The following TCF7L2 variants were observed in gnomAD, a reference collection of about 807,000 sequenced individuals.
TCF7L2 encodes the protein transcription factor 7-like 2.
Under a neutral mutation model 77.9 loss-of-function variants are expected in TCF7L2, and 23 were observed. The ratio of observed to expected loss-of-function variants is 0.30; its 90% confidence interval spans 0.21 to 0.42. The LOEUF (loss-of-function observed/expected upper bound fraction) is 0.42. Among genes scored for constraint, TCF7L2 ranks in the 10% least tolerant of loss-of-function variants. The pLI is 1.00. For synonymous variants in TCF7L2, 413 were observed against 340.2 expected, an observed-to-expected ratio of 1.21 and a Z score of -2.36; for missense variants, 654 against 793.1, an observed-to-expected ratio of 0.82 and a Z score of 2.11.
chr10:112,978,013 A>G (rs546078053), intron 4 of TCF7L2, among the ~76,000 whole-genome samples: 1 of 152,312 alleles, frequency 6.6e-6, no homozygotes, highest in Admixed American at 6.5e-5. Context: ...CTAAACCCTG[A>G]AACCCGTATG....
intron 5 of TCF7L2, among the ~76,000 whole-genome samples, chr10:113,086,857 C>G (rs1179336855): frequency 6.6e-6 from 1 of 151,956 alleles, no homozygotes; most frequent in Non-Finnish European, 1.5e-5. Flanking sequence ...CTCCTACCCC[C>G]CTAAAATTGG....
chr10:113,105,576 C>A (rs2062191841), intron 5 of TCF7L2, among the ~76,000 whole-genome samples: 1 of 152,196 alleles, frequency 6.6e-6, no homozygotes, highest in African/African-American at 2.4e-5. Context: ...TCTCCTTTTT[C>A]ACTCTTTAGT....
chr10:113,094,427 T>G (rs2060725320), intron 5 of TCF7L2, among the ~76,000 whole-genome samples: 1 of 152,222 alleles, frequency 6.6e-6, no homozygotes, highest in Non-Finnish European at 1.5e-5. Context: ...ATGGAAAATT[T>G]GGGTTTACAC....
chr10:112,950,585 CT>C lies in TCF7L2; in HGVS notation c.-168del. 2.6e-6 allele frequency: 1 copy of C among 387,140 alleles called. No homozygotes were observed. The highest frequency in any genetic ancestry group is 4.6e-6 in the Non-Finnish European group (1 of 216,676). 24.0% of individuals were successfully genotyped at this position (387,140 alleles called of 1,614,324 possible). A position where few individuals can be genotyped will look rare whatever the true frequency, so the allele number is the denominator to read the frequency against. ...CCCCCCTTCCCCTCCCCTCCTCCCT[CT>C]TTTCCCCTCCCCAGGAGAAAAAGAC... On this transcript the variant is annotated 5_prime_UTR_variant, in exon 1 of 14. Transcript: ENST00000627217.
chr10:112,953,307 A>AC (rs1322126413), intron 3 of TCF7L2, among the ~76,000 whole-genome samples: 1 of 151,758 alleles, frequency 6.6e-6, no homozygotes. Context: ...GTTCGGCTCA[A>AC]CCCCCTTCTC....
At chr10:113,099,508 G>A (rs1228501943) in intron 5 of TCF7L2, among the ~76,000 whole-genome samples, 2 of 152,166 alleles carry the variant, frequency 1.3e-5, no homozygotes, top group Non-Finnish European at 2.9e-5. Flanking sequence ...CTACATGCAC[G>A]GGAAGACCAG....
intron 5 of TCF7L2, among the ~76,000 whole-genome samples, chr10:113,059,203 T>G (rs1314564853): frequency 6.6e-6 from 1 of 152,164 alleles, no homozygotes; most frequent in Non-Finnish European, 1.5e-5. Context: ...GGAGGACTTT[T>G]AAATGTTTTC....
At chr10:113,129,286 C>T (rs970202011) in intron 5 of TCF7L2, 2 of 985,576 alleles carry the variant, frequency 2.0e-6, no homozygotes, top group Non-Finnish European at 2.4e-6. Flanking sequence ...AAGTGCCTGC[C>T]TCCTGCACTC....
At chr10:113,059,012 C>T (rs568743370) in intron 5 of TCF7L2, among the ~76,000 whole-genome samples, 45 of 152,202 alleles carry the variant, frequency 3.0e-4, no homozygotes, top group Non-Finnish European at 5.3e-4. Context: ...CTAATGCAAC[C>T]GCCCCCCATG....
Position 113,165,551 on chromosome 10 carries a change from C to A in TCF7L2, c.1392-4C>A, listed in dbSNP as rs752894488. On this transcript the variant is annotated splice_polypyrimidine_tract_variant and splice_region_variant and intron_variant, in intron 13 of 13. Transcript: ENST00000627217. Reference sequence around the variant, plus strand: ...TCACAGATAACTCTCTCCCCTGTTTCTAGGAGAAAAAAAAAGTGCGTTCGC... The same window carrying A: ...TCACAGATAACTCTCTCCCCTGTTTATAGGAGAAAAAAAAAGTGCGTTCGC... 1 of 1,613,544 alleles carries A rather than the reference C, an allele frequency of 6.2e-7. No individual in the cohort carries two copies. The highest frequency in any genetic ancestry group is 2.2e-5 in the East Asian group (1 of 44,864).
chr10:112,965,629 ATGTGTGTGTGTGTGTGTGTGTG>A (rs59587175), intron 4 of TCF7L2, among the ~76,000 whole-genome samples: 8 of 137,214 alleles, frequency 5.8e-5, no homozygotes, highest in Non-Finnish European at 1.2e-4. Flanking sequence ...GTGTGTGTAT[ATGTGTGTGTGTGTGTGTGTGTG>A]TGTGTGTGTG....
chr10:113,144,130 G>GTGTA (rs1418664420), intron 7 of TCF7L2, 105 bp downstream of exon 7: 43 of 805,676 alleles, frequency 5.3e-5, no homozygotes, highest in Non-Finnish European at 7.4e-5. Context: ...GTGTGTGTGT[G>GTGTA]TGTGTGTATG....
intron 5 of TCF7L2, among the ~76,000 whole-genome samples, chr10:113,058,201 C>G (rs1257654106): frequency 6.6e-6 from 1 of 152,206 alleles, no homozygotes; most frequent in South Asian, 2.1e-4. Flanking sequence ...GACTGCCCAA[C>G]AGGGCTTCCT....
intron 5 of TCF7L2, among the ~76,000 whole-genome samples, chr10:113,060,585 G>A (rs1298829367): frequency 6.6e-6 from 1 of 152,074 alleles, no homozygotes; most frequent in Non-Finnish European, 1.5e-5. Flanking sequence ...GGCAGCTAAA[G>A]TCAGCTTCGG....
At position 112,951,384 on chromosome 10, in the gene TCF7L2, G is replaced by T. The variant is rs1049815939; in HGVS notation, c.257-99G>T. ...GGCCTGGCCCTGCGCCGGCCCGGTCGGGGCGCCCGGCCCCTCGGGGCACTT... is the reference window on the plus strand; with the variant it reads ...GGCCTGGCCCTGCGCCGGCCCGGTCTGGGCGCCCGGCCCCTCGGGGCACTT... On this transcript the variant is annotated intron_variant, in intron 2 of 13. Coordinates refer to ENST00000627217, the MANE Select transcript of TCF7L2 (RefSeq NM_001146274.2). 21 of 1,153,112 alleles carry T rather than the reference G, an allele frequency of 1.8e-5. No homozygotes were observed. The African/African-American group carries it at 3.2e-4, about 18-fold the overall frequency. 71.4% of individuals were successfully genotyped at this position (1,153,112 alleles called of 1,614,324 possible). A position where few individuals can be genotyped will look rare whatever the true frequency, so the allele number is the denominator to read the frequency against.
chr10:113,061,559 A>G (rs1298755579), intron 5 of TCF7L2, among the ~76,000 whole-genome samples: 1 of 152,170 alleles, frequency 6.6e-6, no homozygotes, highest in Admixed American at 6.5e-5. Flanking sequence ...TATTAGTGAG[A>G]AAGGGTGCAG....
chr10:113,082,376 A>C (rs922963290), intron 5 of TCF7L2, among the ~76,000 whole-genome samples: 3 of 151,894 alleles, frequency 2.0e-5, no homozygotes, highest in African/African-American at 7.3e-5. Context: ...TGTACTGTTT[A>C]TGATACAACA....
chr10:113,110,801 T>G (rs1246557558), intron 5 of TCF7L2, among the ~76,000 whole-genome samples: 1 of 152,190 alleles, frequency 6.6e-6, no homozygotes, highest in Non-Finnish European at 1.5e-5. Flanking sequence ...TAATATTAAT[T>G]GGTATTCATG....
chr10:113,029,524 CTTTT>C (rs35839723), intron 4 of TCF7L2, among the ~76,000 whole-genome samples: 4 of 130,190 alleles, frequency 3.1e-5, no homozygotes, highest in Middle Eastern at 4.1e-3. Context: ...CTCCATTCCT[CTTTT>C]TTTTTTTTTT....
Sources: allele counts gnomAD v4.1 joint callset (sites outside exome capture counted in the v4.1 genomes callset), GRCh38; gene constraint gnomAD v4.1.1; transcripts MANE v1.5; gene names NCBI Gene and HGNC (gene_info 2026-07-23, HGNC 2026-07-21).